ARHGAP24: variants seen among roughly 807,000 people sequenced by gnomAD.
ARHGAP24 encodes rho GTPase-activating protein 24.
Under a neutral mutation model 76.4 loss-of-function variants are expected in ARHGAP24, and 50 were observed. That is an observed-to-expected ratio of 0.65 (90% confidence interval 0.52 to 0.83). The LOEUF (loss-of-function observed/expected upper bound fraction) is 0.83, where lower values mean the gene tolerates loss of function less well. Among genes scored for constraint, ARHGAP24 ranks in the 40% least tolerant of loss-of-function variants. ARHGAP24 has a pLI of 0.00. For missense variants in ARHGAP24, 930 were observed against 914.2 expected, an observed-to-expected ratio of 1.02 and a Z score of -0.22; for synonymous variants, 345 against 323.3, an observed-to-expected ratio of 1.07 and a Z score of -0.72.
intron 2 of ARHGAP24, among the ~76,000 whole-genome samples, chr4:85,642,640 A>G (rs1477289029): frequency 6.6e-6 from 1 of 152,158 alleles, no homozygotes; most frequent in Non-Finnish European, 1.5e-5. Flanking sequence ...TTCAAAATAT[A>G]TCCAAAACTT....
At chr4:85,756,531 A>G (rs1452749730) in intron 3 of ARHGAP24, among the ~76,000 whole-genome samples, 1 of 152,354 alleles carries the variant, frequency 6.6e-6, no homozygotes, top group East Asian at 1.9e-4. Context: ...GTTTCATAGT[A>G]AAAAATGAGA....
At chr4:85,806,662 A>G (rs1326791940) in intron 3 of ARHGAP24, among the ~76,000 whole-genome samples, 1 of 152,122 alleles carries the variant, frequency 6.6e-6, no homozygotes, top group Admixed American at 6.6e-5. Context: ...CAAAAATGGG[A>G]GTTAAGAAAT....
At chr4:85,653,977 A>G (rs1722040248) in intron 2 of ARHGAP24, among the ~76,000 whole-genome samples, 1 of 151,300 alleles carries the variant, frequency 6.6e-6, no homozygotes, top group African/African-American at 2.5e-5. Context: ...ATTATTAATA[A>G]TTATTATTAT....
intron 3 of ARHGAP24, among the ~76,000 whole-genome samples, chr4:85,893,879 C>G (rs1733977997): frequency 1.5e-5 from 2 of 135,438 alleles, no homozygotes; most frequent in African/African-American, 2.8e-5. Context: ...TATTCTCACT[C>G]ATAGGTGGGA....
intron 4 of ARHGAP24, among the ~76,000 whole-genome samples, chr4:85,935,668 C>T (rs1296618358): frequency 6.6e-6 from 1 of 152,176 alleles, no homozygotes; most frequent in African/African-American, 2.4e-5. Context: ...ATCTTCAAAT[C>T]TGTTTCCCTG....
chr4:85,794,867 C>T (rs772710288), intron 3 of ARHGAP24, among the ~76,000 whole-genome samples: 12 of 152,240 alleles, frequency 7.9e-5, no homozygotes, highest in Non-Finnish European at 1.6e-4. Context: ...ACTGAGCCTG[C>T]AGCCATGCAG....
intron 2 of ARHGAP24, among the ~76,000 whole-genome samples, chr4:85,577,571 G>C (rs2109968926): frequency 6.6e-6 from 1 of 152,330 alleles, no homozygotes; most frequent in Admixed American, 6.5e-5. Context: ...CCTGGGAGCA[G>C]AGGAGCGCGA....
At chr4:85,871,744 C>G (rs927515108) in intron 3 of ARHGAP24, among the ~76,000 whole-genome samples, 1 of 152,084 alleles carries the variant, frequency 6.6e-6, no homozygotes, top group Non-Finnish European at 1.5e-5. Flanking sequence ...AACTGAGGGG[C>G]CTTGAAGCTT....
At position 85,755,638 on chromosome 4, in the gene ARHGAP24, TTTGTTTTG is replaced by T. The variant is rs1726457969; in HGVS notation, c.268+33669_268+33676del. ...CTTCTATTCTTTTGTTTTGTTTTGTTTTGTTTTGTTTTGAGACGGAGTCTCGTTCTGTT... is the reference window on the plus strand; with the variant it reads ...CTTCTATTCTTTTGTTTTGTTTTGTTTTTTGAGACGGAGTCTCGTTCTGTT... On this transcript the variant is annotated intron_variant, in intron 3 of 9. Transcript: ENST00000395184. Among the ~76,000 whole-genome samples, 7 of 95,772 alleles carry T rather than the reference TTTGTTTTG, an allele frequency of 7.3e-5. No individual in the cohort carries two copies. The South Asian group carries it at 2.8e-3, about 38-fold the overall frequency. 62.8% of individuals were successfully genotyped at this position (95,772 alleles called of 152,430 possible).
At position 86,000,962 on chromosome 4, in the gene ARHGAP24, G is replaced by C. The variant is rs1192303562; in HGVS notation, c.*240G>C. ...GTGTATATAGAGTAGTTTTTCAAAA[G>C]TAAACTAAAAATGAGAAGCATATTT... is the stretch of plus-strand genomic sequence containing the variant. On this transcript the variant is annotated 3_prime_UTR_variant, in exon 10 of 10. Coordinates refer to ENST00000395184, the MANE Select transcript of ARHGAP24 (RefSeq NM_001025616.3). 1.9e-6 allele frequency: 1 copy of C among 523,856 alleles called. No homozygotes were observed. Among genetic ancestry groups the C allele is most frequent in the African/African-American group, 1.9e-5 (1 of 52,752 alleles). 32.5% of individuals were successfully genotyped at this position (523,856 alleles called of 1,614,324 possible).
At chr4:85,635,816 C>T (rs759889972) in intron 2 of ARHGAP24, among the ~76,000 whole-genome samples, 1 of 151,792 alleles carries the variant, frequency 6.6e-6, no homozygotes, top group Non-Finnish European at 1.5e-5. Context: ...ACAAGAGCTC[C>T]GTAAAAATTT....
intron 3 of ARHGAP24, 185 bp downstream of exon 3, chr4:85,722,157 A>G (rs1724968894): frequency 1.8e-6 from 1 of 563,920 alleles, no homozygotes; most frequent in South Asian, 1.9e-5. Context: ...ACTCACACAC[A>G]CATACTCTGA....
intron 3 of ARHGAP24, among the ~76,000 whole-genome samples, chr4:85,804,970 C>T (rs181624391): frequency 6.6e-6 from 1 of 152,290 alleles, no homozygotes; most frequent in Admixed American, 6.5e-5. Context: ...TTCTATTTCT[C>T]TTTCCTTTAA....
Position 85,994,590 on chromosome 4 carries a change from G to A in ARHGAP24, c.936G>A (p.Val312=), listed in dbSNP as rs1186623261. The change falls in exon 9 of 10, where the codon GTG becomes GTA. Residue 312 remains valine (V), a synonymous_variant. Coordinates refer to ENST00000395184, the MANE Select transcript of ARHGAP24 (RefSeq NM_001025616.3). ...EDPLTIMEGT[V]VVQQLMSVMI... ...TGTTCTATGCAATTCTAGGCACTGT[G>A]GTGGTCCAGCAGTTGATGTCAGTGA... The A allele has an allele frequency of 6.2e-7, 1 of 1,613,926 alleles. No individual in the cohort carries two copies. The highest frequency in any genetic ancestry group is 1.1e-5 in the South Asian group (1 of 91,070).
At chr4:85,535,099 G>A (rs372909692) in intron 1 of ARHGAP24, among the ~76,000 whole-genome samples, 1 of 152,138 alleles carries the variant, frequency 6.6e-6, no homozygotes, top group South Asian at 2.1e-4. Flanking sequence ...TGATTCAAAT[G>A]TAAAAGCTCA....
intron 3 of ARHGAP24, among the ~76,000 whole-genome samples, chr4:85,838,109 A>G (rs1483713092): frequency 3.3e-5 from 5 of 152,158 alleles, no homozygotes; most frequent in African/African-American, 1.2e-4. Context: ...TTACTTATAC[A>G]CTTTTAATTC....
At position 85,506,990 on chromosome 4, in the gene ARHGAP24, G is replaced by A. The variant is rs187537728; in HGVS notation, c.-21+31431G>A. Among the ~76,000 whole-genome samples the A allele has an allele frequency of 5.3e-5, 8 of 152,248 alleles. No individual in the cohort carries two copies. In the East Asian group the frequency reaches 1.5e-3, roughly 29 times the overall value. On this transcript the variant is annotated intron_variant, in intron 1 of 9. Coordinates refer to ENST00000395184, the MANE Select transcript of ARHGAP24 (RefSeq NM_001025616.3). ...TATAAACAGCACATTTAATAAAGGA[G>A]TAAATTTGGTAGATTCCAATTGTTC...
chr4:85,855,661 C>G (rs542522845), intron 3 of ARHGAP24, among the ~76,000 whole-genome samples: 1 of 151,774 alleles, frequency 6.6e-6, no homozygotes, highest in Non-Finnish European at 1.5e-5. Flanking sequence ...TGTGGTAATC[C>G]CAGCTACTCG....
At chr4:85,844,587 A>G (rs1730772083) in intron 3 of ARHGAP24, among the ~76,000 whole-genome samples, 2 of 152,128 alleles carry the variant, frequency 1.3e-5, no homozygotes, top group South Asian at 4.1e-4. Flanking sequence ...AAAATGATCG[A>G]GATTTGTATT....
Sources: gnomAD v4.1 joint callset for allele counts (sites outside exome capture counted in the v4.1 genomes callset) on GRCh38, gnomAD v4.1.1 for gene constraint, MANE v1.5 for transcripts, NCBI Gene and HGNC (gene_info 2026-07-23, HGNC 2026-07-21) for gene names.